The following SS18 variants were observed in gnomAD, a reference collection of about 807,000 sequenced individuals.
The protein encoded by SS18 is SS18 subunit of BAF chromatin remodeling complex.
Under a neutral mutation model 72.5 loss-of-function variants are expected in SS18, and 28 were observed. That is an observed-to-expected ratio of 0.39 (90% CI 0.29 to 0.53). The LOEUF is 0.53. SS18 is among the 20% of genes least tolerant of loss of function. SS18 has a pLI of 0.76. For synonymous variants in SS18, 172 were observed against 164.2 expected (o/e 1.05, Z -0.37); for missense variants, 518 against 535.3 (o/e 0.97, Z 0.32).
intron 2 of SS18, chr18:26,086,073 A>AT (rs1470445677): frequency 1.3e-5 from 2 of 152,178 alleles, no homozygotes; most frequent in African/African-American, 4.8e-5. Flanking sequence ...GTTACTGAAC[A>AT]TGTAGGCTTT....
At chr18:26,046,245 CTG>C (rs1185322282) in intron 5 of SS18, among the ~76,000 whole-genome samples, 4 of 133,688 alleles carry the variant, frequency 3.0e-5, no homozygotes, top group Non-Finnish European at 6.2e-5. Flanking sequence ...AAAAGAAACA[CTG>C]AGAATTAAAG....
chr18:26,076,395 G>C (rs2054413263), intron 3 of SS18, among the ~76,000 whole-genome samples: 2 of 151,686 alleles, frequency 1.3e-5, no homozygotes, highest in South Asian at 4.1e-4. Flanking sequence ...ATACAACATA[G>C]ATTGCATGAC....
chr18:26,090,992 G>T, upstream of SS18: 1 of 222,520 alleles, frequency 4.5e-6, no homozygotes, highest in Non-Finnish European at 9.0e-6. Flanking sequence ...CCTTCGCGCC[G>T]TGGCAACTTG....
At chr18:26,049,908 ATTATAC>A (rs139180013) in intron 5 of SS18, among the ~76,000 whole-genome samples, 8,317 of 152,278 alleles carry the variant, frequency 0.055, 390 homozygotes, top group East Asian at 0.15. Context: ...TGGATTGACT[ATTATAC>A]TTAAGCAACA....
chr18:26,053,561 A>C (rs1304104342), intron 4 of SS18, among the ~76,000 whole-genome samples: 2 of 151,968 alleles, frequency 1.3e-5, no homozygotes, highest in African/African-American at 2.4e-5. Flanking sequence ...AATATTATTT[A>C]TAAGATAGAT....
At chr18:26,026,471 A>C (rs182811806) in intron 10 of SS18, among the ~76,000 whole-genome samples, 1 of 152,320 alleles carries the variant, frequency 6.6e-6, no homozygotes, top group East Asian at 1.9e-4. Flanking sequence ...AATTCTCAGC[A>C]AACTAGAAAT....
intron 5 of SS18, among the ~76,000 whole-genome samples, chr18:26,047,521 T>C (rs186374857): frequency 6.6e-6 from 1 of 152,224 alleles, no homozygotes; most frequent in Non-Finnish European, 1.5e-5. Flanking sequence ...CAGAATCCTA[T>C]CACTAAAACA....
At chr18:26,040,467 T>C (rs1319234531) in intron 5 of SS18, among the ~76,000 whole-genome samples, 2 of 152,118 alleles carry the variant, frequency 1.3e-5, no homozygotes, top group African/African-American at 4.8e-5. Flanking sequence ...CTCCTCCCCC[T>C]TGAGTGACAT....
intron 3 of SS18, among the ~76,000 whole-genome samples, chr18:26,071,120 T>C (rs2144103105): frequency 6.6e-6 from 1 of 152,250 alleles, no homozygotes; most frequent in Admixed American, 6.5e-5. Flanking sequence ...AAAGATACAG[T>C]TACAAGGTCT....
At chr18:26,081,381 G>T (rs1466298602) in intron 2 of SS18, 1 of 152,066 alleles carries the variant, frequency 6.6e-6, no homozygotes, top group Non-Finnish European at 1.5e-5. Context: ...AGTAGAGATG[G>T]GGTTTCACCA....
At chr18:26,018,781 T>A (rs2053293468) in intron 10 of SS18, among the ~76,000 whole-genome samples, 1 of 152,166 alleles carries the variant, frequency 6.6e-6, no homozygotes, top group South Asian at 2.1e-4. Context: ...GTTTAGCTTG[T>A]TATAATTATT....
intron 1 of SS18, chr18:26,089,679 T>G (rs2054679834): frequency 6.6e-6 from 1 of 152,246 alleles, no homozygotes; most frequent in Non-Finnish European, 1.5e-5. Context: ...GTGTTCCGAC[T>G]GGCAGTAACA....
chr18:26,055,446 G>A lies in SS18; in HGVS notation c.385+2143C>T, dbSNP rs142650808. Among the ~76,000 whole-genome samples, 1,187 of 151,936 alleles carry A rather than the reference G, an allele frequency of 7.8e-3. 16 individuals carry two copies. Among genetic ancestry groups the A allele is most frequent in the African/African-American group, 0.027 (1,136 of 41,462 alleles). ...TGTGCCACTGCACCCCAACCTAGGC[G>A]ACAAGAGCAAAACTCTGTCTCAAAA... On this transcript the variant is annotated intron_variant, in intron 4 of 10. Coordinates refer to ENST00000415083, the MANE Select transcript of SS18 (RefSeq NM_001007559.3).
intron 3 of SS18, among the ~76,000 whole-genome samples, chr18:26,075,256 G>A (rs572753915): frequency 2.2e-3 from 329 of 151,858 alleles, no homozygotes; most frequent in African/African-American, 7.7e-3. Flanking sequence ...AAAACCAGAC[G>A]AAGGCATTAT....
chr18:26,054,733 A>C (rs2053985532), intron 4 of SS18, among the ~76,000 whole-genome samples: 1 of 150,846 alleles, frequency 6.6e-6, no homozygotes. Flanking sequence ...TATAGAGAAA[A>C]TCTCTCTCTC....
intron 2 of SS18, among the ~76,000 whole-genome samples, chr18:26,082,887 A>G (rs2054551073): frequency 1.3e-5 from 2 of 152,222 alleles, no homozygotes; most frequent in Admixed American, 6.5e-5. Flanking sequence ...AATTTAAAAA[A>G]AAACACAGTT....
At chr18:26,068,646 C>G (rs2054260395) in intron 3 of SS18, 1 of 152,110 alleles carries the variant, frequency 6.6e-6, no homozygotes, top group East Asian at 1.9e-4. Flanking sequence ...AACCTGAAGA[C>G]TAATATTATC....
At chr18:26,074,474 G>T (rs1043588227) in intron 3 of SS18, among the ~76,000 whole-genome samples, 4 of 152,028 alleles carry the variant, frequency 2.6e-5, no homozygotes, top group African/African-American at 7.2e-5. Flanking sequence ...TAGACTGAAT[G>T]CAGAAGTAGA....
chr18:26,069,938 T>C (rs1279230467), intron 3 of SS18, among the ~76,000 whole-genome samples: 3 of 152,174 alleles, frequency 2.0e-5, no homozygotes, highest in South Asian at 4.1e-4. Flanking sequence ...TTCTTCAAAG[T>C]ATGTTTGAGA....
Sources: allele counts gnomAD v4.1 joint callset (sites outside exome capture counted in the v4.1 genomes callset), GRCh38; gene constraint gnomAD v4.1.1; transcripts MANE v1.5; gene names NCBI Gene and HGNC (gene_info 2026-07-23, HGNC 2026-07-21).